The following PIK3CB variants were observed in gnomAD, a reference collection of about 807,000 sequenced individuals.
The protein encoded by PIK3CB is phosphatidylinositol-4,5-bisphosphate 3-kinase catalytic subunit beta.
PIK3CB carries 39 observed loss-of-function variants against 136.8 expected under a neutral mutation model. The observed-to-expected ratio is 0.29, with a 90% confidence interval of 0.22 to 0.37. The LOEUF is 0.37. Among genes scored for constraint, PIK3CB ranks in the 10% least tolerant of loss-of-function variants. PIK3CB has a pLI of 1.00. For missense variants in PIK3CB, 868 were observed against 1,275.4 expected, an observed-to-expected ratio of 0.68 and a Z score of 4.87; for synonymous variants, 428 against 436.6, an observed-to-expected ratio of 0.98 and a Z score of 0.25.
At chr3:138,760,628 C>T (rs1207309272) in intron 2 of PIK3CB, among the ~76,000 whole-genome samples, 2 of 152,076 alleles carry the variant, frequency 1.3e-5, no homozygotes, top group Non-Finnish European at 2.9e-5. Context: ...GACAGGAGGC[C>T]GGGCACAGTG....
chr3:138,743,497 AAAC>A (rs2108674729), intron 4 of PIK3CB, among the ~76,000 whole-genome samples: 1 of 152,302 alleles, frequency 6.6e-6, no homozygotes, highest in African/African-American at 2.4e-5. Flanking sequence ...GTTGATTCTC[AAAC>A]AACATGGTGG....
rs2044096572 is a variant in PIK3CB at position 138,694,656 on chromosome 3, A to G, written c.1892+130T>C. 4.2e-6 allele frequency: 4 copies of G among 952,006 alleles called. No homozygotes were observed. In the African/African-American group the frequency reaches 5.0e-5, roughly 12 times the overall value. 59.0% of individuals were successfully genotyped at this position (952,006 alleles called of 1,614,324 possible). ...TGAGTTGGGGAGCTGGCAGGAGTAC[A>G]TGAGCAAATGCTTTGAACTGTGAAT... On this transcript the variant is annotated intron_variant, in intron 14 of 23. Coordinates refer to ENST00000674063, the MANE Select transcript of PIK3CB (RefSeq NM_006219.3).
intron 1 of PIK3CB, among the ~76,000 whole-genome samples, chr3:138,818,026 C>T (rs1260142507): frequency 2.6e-5 from 4 of 152,148 alleles, no homozygotes; most frequent in African/African-American, 9.7e-5. Flanking sequence ...GTAGTACATG[C>T]TTGTAGTCCC....
intron 17 of PIK3CB, 104 bp from the exon 18 acceptor site, chr3:138,683,891 G>A: frequency 1.5e-6 from 1 of 679,042 alleles, no homozygotes; most frequent in South Asian, 1.7e-5. Flanking sequence ...ACCTATTCCT[G>A]TCAGGTCTGC....
chr3:138,829,390 A>AG, intron 1 of PIK3CB, among the ~76,000 whole-genome samples: 1 of 152,342 alleles, frequency 6.6e-6, no homozygotes, highest in Non-Finnish European at 1.5e-5. Context: ...TGAAAAATAG[A>AG]GTAAGAACAG....
chr3:138,734,093 G>A (rs557940620), intron 7 of PIK3CB, among the ~76,000 whole-genome samples: 10 of 152,144 alleles, frequency 6.6e-5, no homozygotes, highest in South Asian at 4.2e-4. Context: ...AATTTGTGAC[G>A]ACTGAGTAAC....
chr3:138,825,781 T>C, intron 1 of PIK3CB: 1 of 837,366 alleles, frequency 1.2e-6, no homozygotes, highest in South Asian at 1.5e-5. Context: ...GGTGGTCACC[T>C]TTGCTCCAGT....
chr3:138,742,473 G>A (rs1328428731), intron 5 of PIK3CB, 85 bp downstream of exon 5: 9 of 656,802 alleles, frequency 1.4e-5, no homozygotes, highest in South Asian at 6.1e-5. Flanking sequence ...CTAGGCAAGC[G>A]ACAGACACTT....
Position 138,691,109 on chromosome 3 carries a change from C to A in PIK3CB, c.1927G>T (p.Val643Leu). The A allele has an allele frequency of 6.2e-7, 1 of 1,612,982 alleles. No homozygotes were observed. Among genetic ancestry groups the A allele is most frequent in the African/African-American group, 1.3e-5 (1 of 74,980 alleles). ...EELSQYLLQL[V>L]QVLKYEPFLD... ...AAAGGCTCATATTTTAACACTTGCA[C>A]CAGTTGTAAAAGATATTGAGAAAGT... Residue 643 changes from valine (V) to leucine (L), a missense_variant, in exon 15 of 24, where the codon GTG becomes TTG. Transcript: ENST00000674063.
At chr3:138,795,001 AGACT>A (rs1394447176) in intron 2 of PIK3CB, among the ~76,000 whole-genome samples, 1 of 149,528 alleles carries the variant, frequency 6.7e-6, no homozygotes, top group African/African-American at 2.6e-5. Context: ...CCTGAGTGAC[AGACT>A]GAGACCCCAT....
At chr3:138,824,756 G>GA (rs1257753937) in intron 1 of PIK3CB, among the ~76,000 whole-genome samples, 20 of 151,704 alleles carry the variant, frequency 1.3e-4, no homozygotes, top group Non-Finnish European at 2.4e-4. Flanking sequence ...GTCACAAAAA[G>GA]AAAGATCCTA....
chr3:138,685,412 A>G (rs1334480478), intron 16 of PIK3CB, among the ~76,000 whole-genome samples: 2 of 146,024 alleles, frequency 1.4e-5, no homozygotes, highest in Non-Finnish European at 3.0e-5. Flanking sequence ...AAAAAAAAAA[A>G]AAAAAAAAAA....
At chr3:138,663,780 T>C (rs2043350405) in intron 21 of PIK3CB, 126 bp downstream of exon 21, 1 of 880,560 alleles carries the variant, frequency 1.1e-6, no homozygotes, top group Non-Finnish European at 1.8e-6. Flanking sequence ...AGTGAGAAAT[T>C]GAAGTAAAGA....
intron 2 of PIK3CB, among the ~76,000 whole-genome samples, chr3:138,761,142 A>G (rs1161369745): frequency 6.6e-6 from 1 of 152,196 alleles, no homozygotes; most frequent in Non-Finnish European, 1.5e-5. Flanking sequence ...TAGCATTACT[A>G]AAAGTGGGAC....
intron 8 of PIK3CB, among the ~76,000 whole-genome samples, chr3:138,726,602 A>G (rs926461912): frequency 1.3e-5 from 2 of 152,222 alleles, no homozygotes; most frequent in Non-Finnish European, 2.9e-5. Context: ...AAGAGGTACA[A>G]TTCATACATT....
At chr3:138,703,576 A>G (rs555988032) in intron 12 of PIK3CB, among the ~76,000 whole-genome samples, 1 of 143,066 alleles carries the variant, frequency 7.0e-6, no homozygotes, top group East Asian at 1.9e-4. Context: ...AGATATAGAT[A>G]TAGATATGTA....
intron 19 of PIK3CB, 129 bp from the exon 20 acceptor site, chr3:138,665,332 G>A: frequency 1.7e-6 from 1 of 576,310 alleles, no homozygotes; most frequent in Non-Finnish European, 2.8e-6. Flanking sequence ...CTATATTATT[G>A]TCATATGGAA....
chr3:138,669,396 A>G (rs1320782125), intron 19 of PIK3CB, among the ~76,000 whole-genome samples: 1 of 112,390 alleles, frequency 8.9e-6, no homozygotes, highest in Non-Finnish European at 1.7e-5. Flanking sequence ...TGATACAGTG[A>G]GACCCTGTTT....
intron 1 of PIK3CB, among the ~76,000 whole-genome samples, chr3:138,833,919 T>G (rs1410631337): frequency 2.0e-5 from 3 of 152,206 alleles, no homozygotes; most frequent in African/African-American, 7.2e-5. Context: ...GGGAAGAGAC[T>G]GCAGGATTCT....
Sources: gnomAD v4.1 joint callset for allele counts (sites outside exome capture counted in the v4.1 genomes callset) on GRCh38, gnomAD v4.1.1 for gene constraint, MANE v1.5 for transcripts, NCBI Gene and HGNC (gene_info 2026-07-23, HGNC 2026-07-21) for gene names.